The following SHOX variants were observed in gnomAD, a reference collection of about 807,000 sequenced individuals.
The protein encoded by SHOX is short stature homeobox protein.
SHOX carries 12 observed loss-of-function variants against 29.6 expected under a neutral mutation model. That is an observed-to-expected ratio of 0.41 (90% CI 0.26 to 0.66). The LOEUF is 0.66. SHOX is among the 30% of genes least tolerant of loss of function. The pLI, the probability that SHOX is intolerant of heterozygous loss-of-function variation, is 0.35. For missense variants in SHOX, 499 were observed against 437.7 expected (o/e 1.14, Z -1.25); for synonymous variants, 214 against 200.6 (o/e 1.07, Z -0.57).
chrX:634,369 G>C (rs779053621), intron 1 of SHOX, among the ~76,000 whole-genome samples: 7 of 152,322 alleles, frequency 4.6e-5, no homozygotes, highest in Non-Finnish European at 8.8e-5. Context: ...TGTCAACAGA[G>C]GTGAAGTGGA....
chrX:650,432 G>C lies in SHOX; in HGVS notation c.*5796G>C, dbSNP rs2053037268. On this transcript the variant is annotated 3_prime_UTR_variant, in exon 5 of 5. Transcript: ENST00000686671. ...GCTGTCCTTGGCCACGTCAGCACGT[G>C]GGAGCATCTGTGGATACCGCAGAGT... is the stretch of plus-strand genomic sequence containing the variant. 6.6e-6 allele frequency among the ~76,000 whole-genome samples: 1 copy of C among 152,114 alleles called. No homozygotes were observed. Among genetic ancestry groups the C allele is most frequent in the South Asian group, 2.1e-4 (1 of 4,816 alleles).
intron 2 of SHOX, among the ~76,000 whole-genome samples, chrX:635,746 G>A (rs966300479): frequency 6.6e-6 from 1 of 152,140 alleles, no homozygotes; most frequent in Non-Finnish European, 1.5e-5. Context: ...GTGCTGCTGG[G>A]AGAGCCTCCA....
upstream of SHOX, among the ~76,000 whole-genome samples, chrX:629,255 C>A (rs1240836016): frequency 6.6e-6 from 1 of 151,072 alleles, no homozygotes; most frequent in African/African-American, 2.4e-5. Flanking sequence ...CTCTGTCTCT[C>A]CCTGTGTTTC....
At position 634,526 on chromosome X, in the gene SHOX, GC is replaced by G. The variant is rs1039399190; in HGVS notation, c.278-87del. On this transcript the variant is annotated intron_variant, in intron 1 of 4. Transcript: ENST00000686671. ...CGTCAAAGCGCATTGGTTTTCGAGG[GC>G]CCCCTTTCCACCGCGGGATGCACGA... is the stretch of plus-strand genomic sequence containing the variant. The G allele has an allele frequency of 4.8e-5, 66 of 1,369,466 alleles. No homozygotes were observed. The African/African-American group carries it at 6.6e-4, about 14-fold the overall frequency. 84.8% of individuals were successfully genotyped at this position (1,369,466 alleles called of 1,614,324 possible). A position where few individuals can be genotyped will look rare whatever the true frequency, so the allele number is the denominator to read the frequency against.
At chrX:656,776 G>A (rs1229341906) in intron 5 of SHOX, among the ~76,000 whole-genome samples, 1 of 151,040 alleles carries the variant, frequency 6.6e-6, no homozygotes, top group Non-Finnish European at 1.5e-5. Context: ...CTGGGAGGCG[G>A]ACCATGCAGT....
chrX:635,141 G>C (rs1008622834), intron 2 of SHOX, among the ~76,000 whole-genome samples: 1 of 152,086 alleles, frequency 6.6e-6, no homozygotes. Flanking sequence ...CGTCCTTGGT[G>C]CAAAGACACC....
exon 6 of SHOX, chrX:658,850 C>T (rs747422624): frequency 1.6e-4 from 60 of 376,840 alleles, no homozygotes; most frequent in East Asian, 9.9e-4. Context: ...CTGCAACCTC[C>T]GCCTCCCGAG....
chrX:627,111 C>G (rs939887726), upstream of SHOX, among the ~76,000 whole-genome samples: 2 of 152,038 alleles, frequency 1.3e-5, no homozygotes, highest in Non-Finnish European at 2.9e-5. Flanking sequence ...ATCAGTAAAA[C>G]CTCCAACAAG....
intron 1 of SHOX, 151 bp downstream of exon 1, chrX:631,325 A>G: frequency 4.9e-6 from 5 of 1,015,690 alleles, no homozygotes; most frequent in South Asian, 4.3e-5. Flanking sequence ...TTGCCTAAGA[A>G]AGGAAGGAAG....
rs1250620818 is a variant in SHOX at position 644,877 on chromosome X, C to T, written c.*241C>T. On this transcript the variant is annotated 3_prime_UTR_variant, in exon 5 of 5. Coordinates refer to ENST00000686671, the MANE Select transcript of SHOX (RefSeq NM_000451.4). ...CGGGTGAGCGGCCGTGCGTCCAGCC[C>T]GGGCCTCTCCAAGGCTGCCCGTGCG... 3.9e-6 allele frequency: 2 copies of T among 515,254 alleles called. No individual in the cohort carries two copies. Among genetic ancestry groups the T allele is most frequent in the East Asian group, 3.7e-5 (1 of 26,860 alleles). 31.9% of individuals were successfully genotyped at this position (515,254 alleles called of 1,614,324 possible). A position where few individuals can be genotyped will look rare whatever the true frequency, so the allele number is the denominator to read the frequency against.
At chrX:634,954 T>G in intron 2 of SHOX, 128 bp downstream of exon 2, 1 of 999,312 alleles carries the variant, frequency 1.0e-6, no homozygotes, top group Non-Finnish European at 1.4e-6. Flanking sequence ...GGAGGTTGGG[T>G]GAGGGACGGG....
At chrX:642,470 A>C (rs1421943176) in intron 4 of SHOX, among the ~76,000 whole-genome samples, 1 of 152,158 alleles carries the variant, frequency 6.6e-6, no homozygotes, top group South Asian at 2.1e-4. Context: ...ATAAGTAAAC[A>C]ACTCAGAAAT....
At chrX:653,065 ACT>A (rs766256916), downstream of SHOX, among the ~76,000 whole-genome samples, 454 of 152,026 alleles carry the variant, frequency 3.0e-3, 26 homozygotes, top group South Asian at 0.09. Flanking sequence ...ACACGGTGAA[ACT>A]CTATCTCTAC....
At position 630,798 on chromosome X, in the gene SHOX, A is replaced by G. The variant is rs2052632775; in HGVS notation, c.-100A>G. The G allele has an allele frequency of 7.0e-6, 10 of 1,432,296 alleles. No individual in the cohort carries two copies. The highest frequency in any genetic ancestry group is 9.8e-6 in the Non-Finnish European group (10 of 1,023,116). 88.7% of individuals were successfully genotyped at this position (1,432,296 alleles called of 1,614,324 possible). On this transcript the variant is annotated 5_prime_UTR_variant, in exon 1 of 5. Coordinates refer to ENST00000686671, the MANE Select transcript of SHOX (RefSeq NM_000451.4). ...GATTTCCAATGGAAAGGCGTAAATA[A>G]CAGCGCTGGTGATCCACCCGCGCGC...
chrX:637,810 G>A (rs915241892), intron 2 of SHOX, among the ~76,000 whole-genome samples: 4 of 152,144 alleles, frequency 2.6e-5, no homozygotes, highest in African/African-American at 7.2e-5. Flanking sequence ...GTCCCGTGCT[G>A]TGACCGGATA....
Position 634,686 on chromosome X carries a change from A to G in SHOX, c.346A>G (p.Lys116Glu), listed in dbSNP as rs1451917593. The G allele has an allele frequency of 1.9e-6, 3 of 1,613,788 alleles. No individual in the cohort carries two copies. Among genetic ancestry groups the G allele is most frequent in the Non-Finnish European group, 8.5e-7 (1 of 1,179,864 alleles). ...SEDEDGQTKL[K>E]QRRSRTNFTL... ...GGACGAGGACGGGCAGACCAAGCTGAAACAGAGGCGCAGCCGCACCAACTT... is the reference window on the plus strand; with the variant it reads ...GGACGAGGACGGGCAGACCAAGCTGGAACAGAGGCGCAGCCGCACCAACTT... The change falls in exon 2 of 5, where the codon AAA becomes GAA. Residue 116 changes from lysine (K) to glutamate (E), a missense_variant. By Grantham distance (56) the Lys-to-Glu change is moderately conservative. Coordinates refer to ENST00000686671, the MANE Select transcript of SHOX (RefSeq NM_000451.4).
intron 2 of SHOX, among the ~76,000 whole-genome samples, chrX:638,825 G>A (rs1305367585): frequency 6.6e-6 from 1 of 152,220 alleles, no homozygotes; most frequent in Non-Finnish European, 1.5e-5. Flanking sequence ...CACAACAGCC[G>A]GAGTGACTGG....
downstream of SHOX, among the ~76,000 whole-genome samples, chrX:655,610 CTCTCTATATATATATATATA>C (rs1232623048): frequency 0.047 from 873 of 18,728 alleles, 1 homozygote; most frequent in Middle Eastern, 0.065. Context: ...CTCTCTCTCT[CTCTCTATATATATATATATA>C]TATATATATA....
chrX:634,326 T>TAAAAAA (rs112941832), intron 1 of SHOX, among the ~76,000 whole-genome samples: 1 of 148,044 alleles, frequency 6.8e-6, no homozygotes. Flanking sequence ...CCACTCTCCT[T>TAAAAAA]AAAAAAAAAA....
Sources: gnomAD v4.1 joint callset for allele counts (sites outside exome capture counted in the v4.1 genomes callset) on GRCh38, gnomAD v4.1.1 for gene constraint, MANE v1.5 for transcripts, NCBI Gene and HGNC (gene_info 2026-07-23, HGNC 2026-07-21) for gene names.